ZYG11B: variants seen among roughly 807,000 people sequenced by gnomAD.
ZYG11B encodes the protein zyg-11 family member B, cell cycle regulator, also known as protein zyg-11 homolog B.
In ZYG11B, 36 loss-of-function variants were observed where a neutral mutation model predicts 82.4. That is an observed-to-expected ratio of 0.44 (90% CI 0.33 to 0.58). ZYG11B has a LOEUF of 0.58. Among genes scored for constraint, ZYG11B ranks in the 20% least tolerant of loss-of-function variants. The pLI is 0.02. For synonymous variants in ZYG11B, 303 were observed against 312.8 expected (o/e 0.97, Z 0.33); for missense variants, 552 against 895.6 (o/e 0.62, Z 4.90).
At chr1:52,817,199 A>G (rs1645232473) in intron 13 of ZYG11B, among the ~76,000 whole-genome samples, 1 of 152,168 alleles carries the variant, frequency 6.6e-6, no homozygotes, top group Non-Finnish European at 1.5e-5. Flanking sequence ...TTTAAAGATT[A>G]GGAGACTACA....
intron 6 of ZYG11B, among the ~76,000 whole-genome samples, chr1:52,792,609 C>T (rs1218066493): frequency 6.6e-6 from 1 of 152,132 alleles, no homozygotes; most frequent in African/African-American, 2.4e-5. Context: ...AGTCTGACTC[C>T]AGGGCCTCCA....
intron 2 of ZYG11B, among the ~76,000 whole-genome samples, chr1:52,767,925 G>A (rs1644712077): frequency 6.6e-6 from 1 of 152,116 alleles, no homozygotes; most frequent in Non-Finnish European, 1.5e-5. Context: ...TCCCCAGAAG[G>A]TATCTACTAA....
At chr1:52,806,632 T>C (rs1254442127) in intron 10 of ZYG11B, among the ~76,000 whole-genome samples, 1 of 152,216 alleles carries the variant, frequency 6.6e-6, no homozygotes, top group African/African-American at 2.4e-5. Context: ...TAGCCATTTG[T>C]ACTTTCTTTT....
chr1:52,741,438 C>T (rs1644431145), intron 1 of ZYG11B, among the ~76,000 whole-genome samples: 1 of 151,950 alleles, frequency 6.6e-6, no homozygotes. Context: ...CCTGTGAACT[C>T]AAATGATACT....
intron 13 of ZYG11B, among the ~76,000 whole-genome samples, chr1:52,817,775 GTGTATATATATATATA>G (rs1178292719): frequency 0.059 from 1,933 of 32,528 alleles, 116 homozygotes; most frequent in African/African-American, 0.12. Flanking sequence ...GTATATATAT[GTGTATATATATATATA>G]TATATATATA....
chr1:52,802,854 A>G (rs1349563492), intron 10 of ZYG11B, among the ~76,000 whole-genome samples: 1 of 151,342 alleles, frequency 6.6e-6, no homozygotes, highest in East Asian at 1.9e-4. Context: ...CCCCGTCTCT[A>G]CTAAAAATAC....
intron 1 of ZYG11B, among the ~76,000 whole-genome samples, chr1:52,734,681 AG>A (rs1437471664): frequency 6.6e-6 from 1 of 150,488 alleles, no homozygotes; most frequent in African/African-American, 2.4e-5. Context: ...TGGCAGTATG[AG>A]TTCAAGAACC....
chr1:52,789,926 T>TTA, intron 5 of ZYG11B, 77 bp from the exon 6 acceptor site: 1 of 1,044,382 alleles, frequency 9.6e-7, no homozygotes, highest in Non-Finnish European at 1.4e-6. Context: ...TTTTTTTTTT[T>TTA]TTATGGAAGC....
intron 5 of ZYG11B, among the ~76,000 whole-genome samples, chr1:52,786,435 G>A (rs906550363): frequency 6.6e-6 from 1 of 152,076 alleles, no homozygotes. Context: ...CAATAAAGTC[G>A]TTATATATTT....
intron 10 of ZYG11B, among the ~76,000 whole-genome samples, chr1:52,802,693 AAGAGAG>A (rs148334695): frequency 2.7e-5 from 4 of 150,256 alleles, no homozygotes; most frequent in Admixed American, 6.7e-5. Context: ...CAAAAAAAGA[AAGAGAG>A]AGAGAGAGAG....
At chr1:52,798,866 G>A (rs527573414) in intron 8 of ZYG11B, among the ~76,000 whole-genome samples, 2 of 152,254 alleles carry the variant, frequency 1.3e-5, no homozygotes, top group East Asian at 3.9e-4. Context: ...AAACATGCCT[G>A]TTAAAATCCT....
At chr1:52,741,584 T>C (rs892635056) in intron 1 of ZYG11B, among the ~76,000 whole-genome samples, 1 of 152,232 alleles carries the variant, frequency 6.6e-6, no homozygotes, top group Admixed American at 6.5e-5. Flanking sequence ...GCTTGACTTT[T>C]CATTTATTCA....
At position 52,821,551 on chromosome 1, in the gene ZYG11B, G is replaced by T. The variant is rs1481832555; in HGVS notation, c.2157G>T (p.Leu719=). The T allele has an allele frequency of 1.2e-6, 2 of 1,614,062 alleles. No homozygotes were observed. Among genetic ancestry groups the T allele is most frequent in the Admixed American group, 1.7e-5 (1 of 60,002 alleles). ...TCCAACAGATTGCTGTGGCCATTCTGGATAGCTTAGAAAAACACATTGTGC... is the reference window on the plus strand; with the variant it reads ...TCCAACAGATTGCTGTGGCCATTCTTGATAGCTTAGAAAAACACATTGTGC... ...PHVQQIAVAI[L]DSLEKHIVRH... Residue 719 remains leucine (L), a synonymous_variant, in exon 14 of 14, where the codon CTG becomes CTT. Transcript: ENST00000294353.
intron 8 of ZYG11B, among the ~76,000 whole-genome samples, chr1:52,798,696 A>C (rs1645048917): frequency 6.6e-6 from 1 of 152,204 alleles, no homozygotes; most frequent in Non-Finnish European, 1.5e-5. Flanking sequence ...TTACAGGCAT[A>C]AGGTTGTGCT....
chr1:52,761,310 A>T (rs1345873657), intron 2 of ZYG11B, among the ~76,000 whole-genome samples: 1 of 152,204 alleles, frequency 6.6e-6, no homozygotes, highest in Non-Finnish European at 1.5e-5. Context: ...TTAATTACGT[A>T]TCCTTTAATC....
chr1:52,739,435 AAGTAG>A lies in ZYG11B; in HGVS notation c.30+12764_30+12768del, dbSNP rs145299238. On this transcript the variant is annotated intron_variant, in intron 1 of 13. Coordinates refer to ENST00000294353, the MANE Select transcript of ZYG11B (RefSeq NM_024646.3). The stretch of plus-strand genomic sequence containing the variant: ...AGTAAGATTCTAGCAAGTTAAAGGC[AAGTAG>A]AGTAGAGTAGATACATTCTATTAGC... Among the ~76,000 whole-genome samples the A allele has an allele frequency of 6.7e-3, 1,025 of 152,308 alleles. 9 individuals are homozygous for A. The highest frequency in any genetic ancestry group is 0.023 in the African/African-American group (962 of 41,556).
intron 1 of ZYG11B, among the ~76,000 whole-genome samples, chr1:52,747,122 A>G (rs945100285): frequency 6.6e-6 from 1 of 151,988 alleles, no homozygotes; most frequent in African/African-American, 2.4e-5. Flanking sequence ...GGTAAATGAT[A>G]CAATGTGTGT....
chr1:52,798,850 A>G (rs945380667), intron 8 of ZYG11B, among the ~76,000 whole-genome samples: 5 of 152,198 alleles, frequency 3.3e-5, no homozygotes, highest in Admixed American at 2.6e-4. Context: ...GGCAAAAAGT[A>G]TATTTAAACA....
chr1:52,771,413 C>T lies in ZYG11B; in HGVS notation c.590C>T (p.Ser197Leu). ...RLESLDISNT[S>L]ITDITALLAC... ...GAGAGCTTGGATATTTCTAACACCTCAATCACAGACATCACTGCTCTACTG... is the reference window on the plus strand; with the variant it reads ...GAGAGCTTGGATATTTCTAACACCTTAATCACAGACATCACTGCTCTACTG... Residue 197 changes from serine (S) to leucine (L), a missense_variant, in exon 3 of 14, where the codon TCA (serine) becomes TTA (leucine). By Grantham distance (145) the Ser-to-Leu change is moderately radical (BLOSUM62 -2). Coordinates refer to ENST00000294353, the MANE Select transcript of ZYG11B (RefSeq NM_024646.3). This position sits in a 1 kb window ranked among gnomAD's most constrained non-coding sequence, Gnocchi z 5.4. 2 of 1,614,086 alleles carry T rather than the reference C, an allele frequency of 1.2e-6. No homozygotes were observed. Among genetic ancestry groups the T allele is most frequent in the Non-Finnish European group, 1.7e-6 (2 of 1,180,048 alleles).
Sources: allele counts gnomAD v4.1 joint callset (sites outside exome capture counted in the v4.1 genomes callset), GRCh38; gene constraint gnomAD v4.1.1; non-coding constraint Gnocchi (gnomAD v3.1); transcripts MANE v1.5; gene names NCBI Gene and HGNC (gene_info 2026-07-23, HGNC 2026-07-21).